The following MACROD2 variants were observed in gnomAD, a reference collection of about 807,000 sequenced individuals.
MACROD2 encodes the protein ADP-ribose glycohydrolase MACROD2.
Under a neutral mutation model 70.4 loss-of-function variants are expected in MACROD2, and 36 were observed. That is an observed-to-expected ratio of 0.51 (90% CI 0.39 to 0.68). The LOEUF is 0.68. MACROD2 is among the 30% of genes least tolerant of loss of function. The pLI, the probability that MACROD2 is intolerant of heterozygous loss-of-function variation, is 0.00. For missense variants in MACROD2, 496 were observed against 538.4 expected (o/e 0.92, Z 0.78); for synonymous variants, 172 against 178.8 (o/e 0.96, Z 0.30).
rs1014699672 is a variant in MACROD2, at chr20:16,052,324, G to A, written c.*2448G>A. The A allele has an allele frequency of 1.3e-5, 2 of 152,172 alleles. No individual in the cohort carries two copies. Among genetic ancestry groups the A allele is most frequent in the African/African-American group, 2.4e-5 (1 of 41,448 alleles). 9.4% of individuals were successfully genotyped at this position (152,172 alleles called of 1,614,324 possible). A position where few individuals can be genotyped will look rare whatever the true frequency, so the allele number is the denominator to read the frequency against. On this transcript the variant is annotated 3_prime_UTR_variant, in exon 18 of 18. Transcript: ENST00000684519. ...CAGAAAACCTTTATTTGCTGGTGCT[G>A]CCATTGCACAGGCTGTACAATGAAA...
intron 15 of MACROD2, among the ~76,000 whole-genome samples, chr20:15,993,033 A>G (rs543661791): frequency 1.3e-5 from 2 of 151,384 alleles, no homozygotes; most frequent in East Asian, 1.9e-4. Context: ...AAAGATAGTG[A>G]GTATAATTAT....
At chr20:14,372,603 G>C (rs915737093) in intron 3 of MACROD2, among the ~76,000 whole-genome samples, 6 of 151,998 alleles carry the variant, frequency 3.9e-5, no homozygotes, top group Admixed American at 6.6e-5. Context: ...TTGTTTCTTT[G>C]CTTTTCTGAT....
intron 4 of MACROD2, among the ~76,000 whole-genome samples, chr20:14,521,194 G>A (rs1317743384): frequency 6.6e-6 from 1 of 152,176 alleles, no homozygotes; most frequent in African/African-American, 2.4e-5. Flanking sequence ...ATTCTAAGCA[G>A]GTTAGTTGTC....
At chr20:15,899,291 T>C (rs2065027556) in intron 10 of MACROD2, among the ~76,000 whole-genome samples, 1 of 152,112 alleles carries the variant, frequency 6.6e-6, no homozygotes, top group African/African-American at 2.4e-5. Flanking sequence ...TACAGATATA[T>C]ACACATATGT....
intron 6 of MACROD2, among the ~76,000 whole-genome samples, chr20:15,249,143 G>A (rs183936621): frequency 1.3e-5 from 2 of 151,958 alleles, no homozygotes; most frequent in Non-Finnish European, 2.9e-5. Flanking sequence ...ACCAACCCCT[G>A]TCGCCTCCTT....
intron 5 of MACROD2, among the ~76,000 whole-genome samples, chr20:15,183,646 G>C (rs1406968617): frequency 6.6e-6 from 1 of 152,156 alleles, no homozygotes; most frequent in Non-Finnish European, 1.5e-5. Flanking sequence ...GAAGTGAAGA[G>C]AGCAGAGAGT....
intron 5 of MACROD2, among the ~76,000 whole-genome samples, chr20:14,922,097 G>A (rs951823970): frequency 6.6e-6 from 1 of 151,990 alleles, no homozygotes; most frequent in African/African-American, 2.4e-5. Context: ...ATGATGACCC[G>A]GTGACATTAA....
intron 8 of MACROD2, among the ~76,000 whole-genome samples, chr20:15,540,377 A>T (rs963794246): frequency 2.6e-5 from 4 of 152,200 alleles, no homozygotes; most frequent in African/African-American, 9.6e-5. Flanking sequence ...GACCCCGGCC[A>T]TCGTGTGGAG....
In MACROD2 at chr20:15,288,328, G is replaced by A. The variant is rs925326739; in HGVS notation, c.540+58267G>A. Among the ~76,000 whole-genome samples the A allele has an allele frequency of 3.9e-5, 6 of 152,118 alleles. No homozygotes were observed. In the East Asian group the frequency reaches 5.8e-4, roughly 15 times the overall value. On this transcript the variant is annotated intron_variant, in intron 6 of 17. Transcript: ENST00000684519. The stretch of plus-strand genomic sequence containing the variant: ...AGGCTGTCTCCATGGTGAGCAGAAC[G>A]GCAGTTCCAGACTCATTAATCTTGA...
chr20:14,827,373 A>G (rs1161180707), intron 5 of MACROD2, among the ~76,000 whole-genome samples: 1 of 152,150 alleles, frequency 6.6e-6, no homozygotes, highest in Non-Finnish European at 1.5e-5. Flanking sequence ...TCCAGCCCCT[A>G]CATACAACAA....
intron 8 of MACROD2, among the ~76,000 whole-genome samples, chr20:15,845,552 C>T (rs891454163): frequency 3.3e-5 from 5 of 151,840 alleles, no homozygotes; most frequent in African/African-American, 4.8e-5. Context: ...AACCCCCTGT[C>T]GAAGTACAAA....
At chr20:15,666,443 C>T (rs1305965144) in intron 8 of MACROD2, among the ~76,000 whole-genome samples, 1 of 152,088 alleles carries the variant, frequency 6.6e-6, no homozygotes, top group African/African-American at 2.4e-5. Flanking sequence ...CTTTTCTAAA[C>T]AAAGACTCAT....
intron 3 of MACROD2, among the ~76,000 whole-genome samples, chr20:14,466,331 A>G (rs2084448072): frequency 6.6e-6 from 1 of 151,952 alleles, no homozygotes; most frequent in African/African-American, 2.4e-5. Context: ...TGCATTGGTT[A>G]CTGAGGCTTG....
intron 3 of MACROD2, among the ~76,000 whole-genome samples, chr20:14,167,136 A>G (rs1569187552): frequency 6.6e-6 from 1 of 151,944 alleles, no homozygotes; most frequent in Non-Finnish European, 1.5e-5. Flanking sequence ...CTTTTCATGA[A>G]TCTATCCCAT....
At chr20:15,069,561 C>T (rs1045271544) in intron 5 of MACROD2, among the ~76,000 whole-genome samples, 1 of 152,228 alleles carries the variant, frequency 6.6e-6, no homozygotes, top group African/African-American at 2.4e-5. Context: ...CCCAAGGCTC[C>T]ACTTTCCTTG....
intron 4 of MACROD2, among the ~76,000 whole-genome samples, chr20:14,577,042 T>G (rs1980646646): frequency 6.6e-6 from 1 of 152,220 alleles, no homozygotes; most frequent in Non-Finnish European, 1.5e-5. Context: ...AGATAAATCT[T>G]AAACTTGAGT....
chr20:15,402,741 C>T (rs530858275), intron 6 of MACROD2, among the ~76,000 whole-genome samples: 72 of 152,264 alleles, frequency 4.7e-4, no homozygotes, highest in African/African-American at 1.6e-3. Context: ...TGTCCTTCTC[C>T]GTTGCTGTAC....
intron 5 of MACROD2, among the ~76,000 whole-genome samples, chr20:14,828,038 T>G (rs2072922127): frequency 1.3e-5 from 2 of 152,044 alleles, no homozygotes; most frequent in Non-Finnish European, 2.9e-5. Context: ...TTGGTAAAGT[T>G]CGGGAAGGCA....
rs2065464845 is a variant in MACROD2 at position 15,924,795 on chromosome 20, CAAAG to C, written c.776-8477_776-8474del. Among the ~76,000 whole-genome samples the C allele has an allele frequency of 2.0e-5, 3 of 151,816 alleles. No individual in the cohort carries two copies. The South Asian group carries it at 6.2e-4, about 32-fold the overall frequency. ...TTTCCATTCTTCAGCAAAAAAAAAGCAAAGAAAAAAAATGTTTCATCTTGCCAGT... is the reference window on the plus strand; with the variant it reads ...TTTCCATTCTTCAGCAAAAAAAAAGCAAAAAAAATGTTTCATCTTGCCAGT... On this transcript the variant is annotated intron_variant, in intron 10 of 17. Transcript: ENST00000684519.
Sources: allele counts gnomAD v4.1 joint callset (sites outside exome capture counted in the v4.1 genomes callset), GRCh38; gene constraint gnomAD v4.1.1; transcripts MANE v1.5; gene names NCBI Gene and HGNC (gene_info 2026-07-23, HGNC 2026-07-21).